EOMES: variants seen among roughly 807,000 people sequenced by gnomAD.
EOMES encodes the protein eomesodermin, also known as eomesodermin homolog.
A neutral mutation model predicts 61.0 loss-of-function variants in EOMES; 18 were observed. The ratio of observed to expected loss-of-function variants is 0.30; its 90% CI spans 0.20 to 0.44. The LOEUF (loss-of-function observed/expected upper bound fraction) is 0.44, where lower values mean the gene tolerates loss of function less well. Among genes scored for constraint, EOMES ranks in the 20% least tolerant of loss-of-function variants. The probability of loss-of-function intolerance (pLI) is 1.00; values close to 1 mark genes in which losing one functional copy is unlikely to be tolerated. For synonymous variants in EOMES, 430 were observed against 394.0 expected (o/e 1.09, Z -1.08); for missense variants, 885 against 939.2 (o/e 0.94, Z 0.75).
At chr3:27,719,514 A>G in intron 2 of EOMES, 33 bp from the exon 3 acceptor site, 1 of 1,606,780 alleles carries the variant, frequency 6.2e-7, no homozygotes, top group Non-Finnish European at 8.5e-7. Context: ...ACAAAACCCA[A>G]GCATATAGGG....
At position 27,721,346 on chromosome 3, in the gene EOMES, G is replaced by C; in HGVS notation, c.881+68C>G. The C allele has an allele frequency of 7.3e-7, 1 of 1,378,088 alleles. No individual in the cohort carries two copies. Among genetic ancestry groups the C allele is most frequent in the South Asian group, 1.2e-5 (1 of 80,372 alleles). The allele number at this position is 1,378,088 out of a possible 1,614,324, so 85.4% of individuals were successfully genotyped here. On this transcript the variant is annotated intron_variant, in intron 1 of 5. Transcript: ENST00000449599. This position sits in a 1 kb window ranked among gnomAD's most constrained non-coding sequence, Gnocchi z 7.4. ...CAACTGGGTTCAGCTCCCTCATCCC[G>C]GACCTTCCCCAGGACCACACGTCAC...
At position 27,717,798 on chromosome 3, in the gene EOMES, C is replaced by A; in HGVS notation, c.1390G>T (p.Ala464Ser). 6.3e-7 allele frequency: 1 copy of A among 1,590,756 alleles called. No homozygotes were observed. The highest frequency in any genetic ancestry group is 8.6e-7 in the Non-Finnish European group (1 of 1,163,232). Residue 464 changes from alanine to serine, a missense_variant, in exon 6 of 6, where the codon GCT (alanine) becomes TCT (serine). By Grantham distance (99) the Ala-to-Ser change is moderately conservative (BLOSUM62 1). Around this residue, in one of 3 missense-constraint regions of EOMES, gnomAD observed 177 missense variants for 273.3 expected, o/e 0.65. Transcript: ENST00000449599. The surrounding 1 kb of genome is among the most constrained non-coding windows in gnomAD (Gnocchi z 4.5). ...GGAGTTAACCTGTCATTTTCTGAAGCGGTGTACATGCTACAATATAAAGAG... is the reference window on the plus strand; with the variant it reads ...GGAGTTAACCTGTCATTTTCTGAAGAGGTGTACATGCTACAATATAAAGAG... ...FRDNYDSMYT[A>S]SENDRLTPSP...
At chr3:27,719,163 G>A (rs111486496) in intron 3 of EOMES, among the ~76,000 whole-genome samples, 197 bp downstream of exon 3, 2,105 of 151,550 alleles carry the variant, frequency 0.014, 40 homozygotes, top group African/African-American at 0.044. Context: ...GTTCTTAATA[G>A]TCAACTCACT....
Position 27,716,738 on chromosome 3 carries a change from T to A in EOMES, c.*332A>T, listed in dbSNP as rs1249878572. 4.2e-6 allele frequency: 1 copy of A among 239,788 alleles called. No individual in the cohort carries two copies. The highest frequency in any genetic ancestry group is 2.2e-5 in the African/African-American group (1 of 44,482). 14.9% of individuals were successfully genotyped at this position (239,788 alleles called of 1,614,324 possible). On this transcript the variant is annotated 3_prime_UTR_variant, in exon 6 of 6. Transcript: ENST00000449599. Reference sequence around the variant, plus strand: ...AATGAGAATCAAAGGTTTTAACTCATCTGATAGCACTGGGCACCCAATGTT... The same window carrying A: ...AATGAGAATCAAAGGTTTTAACTCAACTGATAGCACTGGGCACCCAATGTT...
rs756820264 is a variant in EOMES, at chr3:27,721,953, C to A, written c.342G>T (p.Leu114=). 9.2e-6 allele frequency: 13 copies of A among 1,415,388 alleles called. No homozygotes were observed. The South Asian group carries it at 2.0e-4, about 22-fold the overall frequency. 87.7% of individuals were successfully genotyped at this position (1,415,388 alleles called of 1,614,324 possible). The part of the protein sequence containing the change: ...RKGSPCGEEE[L]PSAAAAAAAA... ...CGGCGGCGGCTGCAGCGGCGGAGGGCAGCTCCTCCTCCCCGCAGGGGGAGC... is the reference window on the plus strand; with the variant it reads ...CGGCGGCGGCTGCAGCGGCGGAGGGAAGCTCCTCCTCCCCGCAGGGGGAGC... The change falls in exon 1 of 6, where the codon CTG becomes CTT. Residue 114 remains leucine (L), a synonymous_variant. Transcript: ENST00000449599. The surrounding 1 kb of genome is among the most constrained non-coding windows in gnomAD (Gnocchi z 7.4).
chr3:27,717,799 G>A lies in EOMES; in HGVS notation c.1389C>T (p.Thr463=), dbSNP rs1018511348. 1.1e-5 allele frequency: 18 copies of A among 1,604,816 alleles called. No individual in the cohort carries two copies. The highest frequency in any genetic ancestry group is 3.4e-5 in the Admixed American group (2 of 58,966). ...GFRDNYDSMY[T]ASENDRLTPS... is the part of the protein sequence containing the mutation. ...GAGTTAACCTGTCATTTTCTGAAGC[G>A]GTGTACATGCTACAATATAAAGAGA... is the stretch of plus-strand genomic sequence containing the variant. Residue 463 remains threonine, a synonymous_variant, in exon 6 of 6, where the codon ACC becomes ACT. Coordinates refer to ENST00000449599, the MANE Select transcript of EOMES (RefSeq NM_001278182.2). The surrounding 1 kb of genome is among the most constrained non-coding windows in gnomAD (Gnocchi z 4.5).
Position 27,721,505 on chromosome 3 carries a change from C to T in EOMES, c.790G>A (p.Gly264Ser), listed in dbSNP as rs866390280. The change falls in exon 1 of 6, where the codon GGC (glycine) becomes AGC (serine). Residue 264 changes from glycine to serine, a missense_variant. This residue lies in a region of EOMES where 177 missense variants were observed against 273.3 expected (regional missense o/e 0.65). Coordinates refer to ENST00000449599, the MANE Select transcript of EOMES (RefSeq NM_001278182.2). The surrounding 1 kb of genome is among the most constrained non-coding windows in gnomAD (Gnocchi z 7.4). ...GLGGLGVPGS[G>S]FRAHVYLCNR... ...CACAGGTAGACGTGGGCACGGAAGC[C>T]AGAACCTGGAACCCCCAGGCCCCCC... 6.2e-7 allele frequency: 1 copy of T among 1,613,172 alleles called. No homozygotes were observed. The highest frequency in any genetic ancestry group is 8.5e-7 in the Non-Finnish European group (1 of 1,179,796).
At position 27,720,332 on chromosome 3, in the gene EOMES, A is replaced by C. The variant is rs774644879; in HGVS notation, c.882-7T>G. ...CAAGAAAGGAAACATGCGCCTGTGC[A>C]AGGGAATAGAATCAGAAAAATCGAT... On this transcript the variant is annotated splice_region_variant and splice_polypyrimidine_tract_variant and intron_variant, in intron 1 of 5. Transcript: ENST00000449599. 8 of 1,613,626 alleles carry C rather than the reference A, an allele frequency of 5.0e-6. No individual in the cohort carries two copies. The highest frequency in any genetic ancestry group is 6.8e-6 in the Non-Finnish European group (8 of 1,179,592).
At chr3:27,722,490 G>C (rs1415152338), upstream of EOMES, 10 of 1,350,744 alleles carry the variant, frequency 7.4e-6, no homozygotes, top group Non-Finnish European at 8.5e-6. Context: ...CGTCCTTTCC[G>C]GAAGGAAAGC....
At position 27,721,575 on chromosome 3, in the gene EOMES, G is replaced by A. The variant is rs753941091; in HGVS notation, c.720C>T (p.Tyr240=). ...TYQYSQGAPL[Y]GPYPGAAAAG... ...CCGCTGCGGCTCCAGGGTACGGCCC[G>A]TAGAGCGGAGCCCCCTGGCTGTACT... The change falls in exon 1 of 6, where the codon TAC becomes TAT. Residue 240 remains tyrosine, a synonymous_variant. Transcript: ENST00000449599. This position sits in a 1 kb window ranked among gnomAD's most constrained non-coding sequence, Gnocchi z 7.4. 70 of 1,587,932 alleles carry A rather than the reference G, an allele frequency of 4.4e-5. 1 individual carries two copies. In the South Asian group the frequency reaches 6.8e-4, roughly 15 times the overall value.
rs897532678 is a variant in EOMES at position 27,722,112 on chromosome 3, G to A, written c.183C>T (p.Cys61=). The A allele has an allele frequency of 8.4e-6, 13 of 1,550,008 alleles. No individual in the cohort carries two copies. Among genetic ancestry groups the A allele is most frequent in the Non-Finnish European group, 9.6e-6 (11 of 1,147,112 alleles). Reference sequence around the variant, plus strand: ...CTGCGGGCTCCCCGCTCACCGCCTCGCAGGAGAGACTGCCGGAAAACTTCT... The same window carrying A: ...CTGCGGGCTCCCCGCTCACCGCCTCACAGGAGAGACTGCCGGAAAACTTCT... ...ASKKFSGSLS[C]EAVSGEPAAA... Residue 61 remains cysteine (C), a synonymous_variant, in exon 1 of 6, where the codon TGC becomes TGT. Coordinates refer to ENST00000449599, the MANE Select transcript of EOMES (RefSeq NM_001278182.2).
chr3:27,721,940 C>T lies in EOMES; in HGVS notation c.355G>A (p.Ala119Thr). The T allele has an allele frequency of 7.2e-7, 1 of 1,388,590 alleles. No homozygotes were observed. The highest frequency in any genetic ancestry group is 9.2e-7 in the Non-Finnish European group (1 of 1,081,258). 86.0% of individuals were successfully genotyped at this position (1,388,590 alleles called of 1,614,324 possible). Reference sequence around the variant, plus strand: ...GCGGCGGCGGCGGCGGCGGCGGCTGCAGCGGCGGAGGGCAGCTCCTCCTCC... The same window carrying T: ...GCGGCGGCGGCGGCGGCGGCGGCTGTAGCGGCGGAGGGCAGCTCCTCCTCC... ...CGEEELPSAA[A>T]AAAAAAAAAA... is the part of the protein sequence containing the mutation. The change falls in exon 1 of 6, where the codon GCA becomes ACA. Residue 119 changes from alanine (A) to threonine (T), a missense_variant. Around this residue, in one of 3 missense-constraint regions of EOMES, gnomAD observed 449 missense variants for 383.6 expected, o/e 1.17. Coordinates refer to ENST00000449599, the MANE Select transcript of EOMES (RefSeq NM_001278182.2). The surrounding 1 kb of genome is among the most constrained non-coding windows in gnomAD (Gnocchi z 7.4).
chr3:27,722,601 C>T, upstream of EOMES: 1 of 1,177,214 alleles, frequency 8.5e-7, no homozygotes, highest in Non-Finnish European at 1.0e-6. Flanking sequence ...TCCTCCCAGG[C>T]TCACACGCTG....
Position 27,716,045 on chromosome 3 carries a change from T to G in EOMES, c.*1025A>C, listed in dbSNP as rs1221657739. 6.6e-6 allele frequency: 1 copy of G among 152,162 alleles called. No homozygotes were observed. Among genetic ancestry groups the G allele is most frequent in the African/African-American group, 2.4e-5 (1 of 41,418 alleles). The allele number at this position is 152,162 out of a possible 1,614,324, so 9.4% of individuals were successfully genotyped here. ...TGCCTATAGGAGCTGTGGTATCAGG[T>G]TTTAGTTTCTTCACATTACCAAGTT... On this transcript the variant is annotated 3_prime_UTR_variant, in exon 6 of 6. Coordinates refer to ENST00000449599, the MANE Select transcript of EOMES (RefSeq NM_001278182.2).
rs2060608334 is a variant in EOMES at position 27,721,012 on chromosome 3, C to T, written c.881+402G>A. On this transcript the variant is annotated intron_variant, in intron 1 of 5. Coordinates refer to ENST00000449599, the MANE Select transcript of EOMES (RefSeq NM_001278182.2). This position sits in a 1 kb window ranked among gnomAD's most constrained non-coding sequence, Gnocchi z 7.4. ...GCCTAAAACTGCGGGAGCCCATCTA[C>T]TGCGCTCAGGTGGCCAGCTCTTGAG... is the stretch of plus-strand genomic sequence containing the variant. Among the ~76,000 whole-genome samples the T allele has an allele frequency of 6.6e-6, 1 of 152,214 alleles. No individual in the cohort carries two copies. Among genetic ancestry groups the T allele is most frequent in the African/African-American group, 2.4e-5 (1 of 41,462 alleles).
Position 27,722,164 on chromosome 3 carries a change from T to C in EOMES, c.131A>G (p.Gln44Arg). ...GHLPSAAPSP[Q>R]KLDLDKASKK... The stretch of plus-strand genomic sequence containing the variant: ...GGACGCTTTGTCTAAGTCCAACTTC[T>C]GAGGAGAGGGGGCCGCGCTGGGGAG... The change falls in exon 1 of 6, where the codon CAG (glutamine) becomes CGG (arginine). Residue 44 changes from glutamine to arginine, a missense_variant. Gln to Arg is a conservative substitution (Grantham distance 43, BLOSUM62 1). Transcript: ENST00000449599. 6.3e-7 allele frequency: 1 copy of C among 1,583,440 alleles called. No individual in the cohort carries two copies. The highest frequency in any genetic ancestry group is 1.8e-5 in the Admixed American group (1 of 54,342).
intron 5 of EOMES, 97 bp downstream of exon 5, chr3:27,718,490 T>TA: frequency 1.2e-6 from 1 of 841,116 alleles, no homozygotes; most frequent in Non-Finnish European, 1.8e-6. Flanking sequence ...ATCCCAAAGG[T>TA]AAAAGCTCTT....
rs747407947 is a variant in EOMES, at chr3:27,718,592, A to G, written c.1374T>C (p.Tyr458=). Reference sequence around the variant, plus strand: ...TGGATAAAAGCTGCACTTACGAATCATAGTTGTCTCTGAAGCCTTTTGCAA... The same window carrying G: ...TGGATAAAAGCTGCACTTACGAATCGTAGTTGTCTCTGAAGCCTTTTGCAA... ...NPFAKGFRDN[Y]DSMYTASEND... The change falls in exon 5 of 6, where the codon TAT becomes TAC. Residue 458 remains tyrosine, a synonymous_variant. Coordinates refer to ENST00000449599, the MANE Select transcript of EOMES (RefSeq NM_001278182.2). 2 of 1,609,800 alleles carry G rather than the reference A, an allele frequency of 1.2e-6. No individual in the cohort carries two copies. The highest frequency in any genetic ancestry group is 2.2e-5 in the East Asian group (1 of 44,844).
At position 27,718,115 on chromosome 3, in the gene EOMES, G is replaced by A. The variant is rs886605804; in HGVS notation, c.1380-307C>T. 2.6e-5 allele frequency among the ~76,000 whole-genome samples: 4 copies of A among 152,080 alleles called. No individual in the cohort carries two copies. In the East Asian group the frequency reaches 5.8e-4, roughly 22 times the overall value. The stretch of plus-strand genomic sequence containing the variant: ...CTCAGATCAAACCTCCTTTGTCAAT[G>A]TGATGGAAAAAACACTGGCTGTGGC... On this transcript the variant is annotated intron_variant, in intron 5 of 5. Coordinates refer to ENST00000449599, the MANE Select transcript of EOMES (RefSeq NM_001278182.2).
Sources: allele counts gnomAD v4.1 joint callset (sites outside exome capture counted in the v4.1 genomes callset), GRCh38; gene constraint gnomAD v4.1.1; regional missense constraint gnomAD v4.1.1; non-coding constraint Gnocchi (gnomAD v3.1); transcripts MANE v1.5; gene names NCBI Gene and HGNC (gene_info 2026-07-23, HGNC 2026-07-21).